Variants in PCDH9 observed in about 807,000 individuals in gnomAD.
The protein encoded by PCDH9 is protocadherin 9, also known as protocadherin-9.
In PCDH9, 24 loss-of-function variants were observed where a neutral mutation model predicts 70.6. The ratio of observed to expected loss-of-function variants is 0.34; its 90% CI spans 0.25 to 0.48. PCDH9 has a LOEUF of 0.48. Among genes scored for constraint, PCDH9 ranks in the 20% least tolerant of loss-of-function variants. The pLI is 0.99. For missense variants in PCDH9, 1,281 were observed against 1,503.6 expected, an observed-to-expected ratio of 0.85 and a Z score of 2.45; for synonymous variants, 562 against 558.5, an observed-to-expected ratio of 1.01 and a Z score of -0.09.
intron 2 of PCDH9, among the ~76,000 whole-genome samples, chr13:67,000,193 GA>G (rs1407861696): frequency 6.6e-6 from 1 of 152,034 alleles, no homozygotes; most frequent in Non-Finnish European, 1.5e-5. Flanking sequence ...GGACATGGAT[GA>G]AATTGGAAAT....
intron 2 of PCDH9, among the ~76,000 whole-genome samples, chr13:67,173,228 C>G (rs2088346793): frequency 6.6e-6 from 1 of 152,004 alleles, no homozygotes; most frequent in East Asian, 1.9e-4. Context: ...ATAATTTTCC[C>G]TGTAGTAATC....
At position 66,809,520 on chromosome 13, in the gene PCDH9, A is replaced by G. The variant is rs893397138; in HGVS notation, c.3138+93984T>C. Among the ~76,000 whole-genome samples the G allele has an allele frequency of 2.0e-5, 3 of 152,156 alleles. No individual in the cohort carries two copies. The East Asian group carries it at 5.8e-4, about 29-fold the overall frequency. ...TCAAAACATTCTAGAGATAAACTAA[A>G]TATGGTAGCAGGGCTTTCTCTCCCT... On this transcript the variant is annotated intron_variant, in intron 3 of 4. Coordinates refer to ENST00000377865, the MANE Select transcript of PCDH9 (RefSeq NM_203487.3).
chr13:67,086,375 A>G (rs2086107927), intron 2 of PCDH9, among the ~76,000 whole-genome samples: 1 of 152,216 alleles, frequency 6.6e-6, no homozygotes, highest in South Asian at 2.1e-4. Context: ...GCTGTTAGCC[A>G]TGCAATTCAG....
intron 3 of PCDH9, among the ~76,000 whole-genome samples, chr13:66,749,178 G>A (rs1268921672): frequency 1.3e-5 from 2 of 152,152 alleles, no homozygotes; most frequent in Non-Finnish European, 2.9e-5. Flanking sequence ...CATAAGAACA[G>A]ACTAATACAT....
At chr13:67,074,435 T>C (rs2085836944) in intron 2 of PCDH9, among the ~76,000 whole-genome samples, 1 of 152,162 alleles carries the variant, frequency 6.6e-6, no homozygotes, top group Non-Finnish European at 1.5e-5. Context: ...GTTTTTGTTG[T>C]TAAGCTACCT....
At chr13:67,002,524 G>T (rs963726872) in intron 2 of PCDH9, among the ~76,000 whole-genome samples, 1 of 149,538 alleles carries the variant, frequency 6.7e-6, no homozygotes, top group Non-Finnish European at 1.5e-5. Flanking sequence ...AATTAATCAA[G>T]AGTCTAAGAA....
chr13:66,657,812 A>G (rs1044019322), intron 3 of PCDH9, among the ~76,000 whole-genome samples: 4 of 152,200 alleles, frequency 2.6e-5, no homozygotes, highest in African/African-American at 9.6e-5. Context: ...TATGATGTGC[A>G]TTATTAGCCT....
At chr13:66,921,631 C>T (rs540821022) in intron 2 of PCDH9, among the ~76,000 whole-genome samples, 57 of 151,316 alleles carry the variant, frequency 3.8e-4, no homozygotes, top group African/African-American at 1.3e-3. Context: ...AGGAGAAAAG[C>T]ACATATTCAA....
intron 3 of PCDH9, among the ~76,000 whole-genome samples, chr13:66,763,276 T>C (rs2079657481): frequency 1.3e-5 from 2 of 151,984 alleles, no homozygotes; most frequent in African/African-American, 4.8e-5. Flanking sequence ...CGTACAACTT[T>C]GACAACGCAA....
rs1955402516 is a variant in PCDH9 at position 66,303,301 on chromosome 13, A to C, written c.*1354T>G. 1 of 152,504 alleles carries C rather than the reference A, an allele frequency of 6.6e-6. No homozygotes were observed. The highest frequency in any genetic ancestry group is 1.5e-5 in the Non-Finnish European group (1 of 67,992). The allele number at this position is 152,504 out of a possible 1,614,324, so 9.4% of individuals were successfully genotyped here. A position where few individuals can be genotyped will look rare whatever the true frequency, so the allele number is the denominator to read the frequency against. Reference sequence around the variant, plus strand: ...TTGCACGTGCAACTGAGATCTTATTAACATTAGTTGTCACTTTATTGGTTT... The same window carrying C: ...TTGCACGTGCAACTGAGATCTTATTCACATTAGTTGTCACTTTATTGGTTT... On this transcript the variant is annotated 3_prime_UTR_variant, in exon 5 of 5. Transcript: ENST00000377865.
At chr13:66,952,227 C>T (rs1028548234) in intron 2 of PCDH9, among the ~76,000 whole-genome samples, 3 of 152,108 alleles carry the variant, frequency 2.0e-5, no homozygotes, top group Admixed American at 1.3e-4. Context: ...GTGGAAGGCA[C>T]CTTGGGTAGT....
chr13:66,478,074 ATTTTGTTAATTCTTTC>A (rs1457795487), intron 4 of PCDH9, among the ~76,000 whole-genome samples: 5 of 152,134 alleles, frequency 3.3e-5, no homozygotes, highest in African/African-American at 7.2e-5. Context: ...TCTGTGTCAC[ATTTTGTTAATTCTTTC>A]AATATTTTAA....
intron 3 of PCDH9, among the ~76,000 whole-genome samples, chr13:66,709,173 A>G (rs377610637): frequency 1.3e-5 from 2 of 152,158 alleles, no homozygotes; most frequent in African/African-American, 2.4e-5. Context: ...AAATAACATG[A>G]TATTTCCTAC....
chr13:66,576,539 T>C (rs896666766), intron 4 of PCDH9, among the ~76,000 whole-genome samples: 5 of 152,090 alleles, frequency 3.3e-5, no homozygotes, highest in African/African-American at 1.2e-4. Context: ...CTCTAGCCAA[T>C]GCTTCTTTTT....
At chr13:66,502,447 ATTAGAT>A (rs1447934106) in intron 4 of PCDH9, among the ~76,000 whole-genome samples, 2 of 152,086 alleles carry the variant, frequency 1.3e-5, no homozygotes, top group African/African-American at 4.8e-5. Flanking sequence ...AGTTCATTTT[ATTAGAT>A]TTAAAGAAAC....
intron 2 of PCDH9, among the ~76,000 whole-genome samples, chr13:66,961,868 T>C (rs1479049641): frequency 6.6e-6 from 1 of 151,422 alleles, no homozygotes; most frequent in African/African-American, 2.4e-5. Flanking sequence ...CTGACCAACA[T>C]GGTGAAACCC....
intron 4 of PCDH9, among the ~76,000 whole-genome samples, chr13:66,513,045 C>T (rs976095262): frequency 3.9e-5 from 6 of 152,062 alleles, no homozygotes; most frequent in African/African-American, 9.7e-5. Context: ...TCTCAAACTC[C>T]AGGGCTTCAG....
intron 2 of PCDH9, among the ~76,000 whole-genome samples, chr13:67,147,877 T>A (rs1469024935): frequency 6.6e-6 from 1 of 152,158 alleles, no homozygotes; most frequent in African/African-American, 2.4e-5. Flanking sequence ...AAGCATTCCA[T>A]CCTTCCTCTC....
chr13:67,216,685 TATATATATATATATATATATATGG>T (rs1313342719), intron 2 of PCDH9: 3 of 107,848 alleles, frequency 2.8e-5, no homozygotes, highest in South Asian at 3.4e-4. Flanking sequence ...TTAAGCAACA[TATATATATATATATATATATATGG>T]ATATATATAC....
Sources: allele counts gnomAD v4.1 joint callset (sites outside exome capture counted in the v4.1 genomes callset), GRCh38; gene constraint gnomAD v4.1.1; transcripts MANE v1.5; gene names NCBI Gene and HGNC (gene_info 2026-07-23, HGNC 2026-07-21).